The following MAST2 variants were observed in gnomAD, a reference collection of about 807,000 sequenced individuals.
MAST2 encodes microtubule-associated serine/threonine-protein kinase 2.
A neutral mutation model predicts 147.4 loss-of-function variants in MAST2; 70 were observed. That is an observed-to-expected ratio of 0.47 (90% confidence interval 0.39 to 0.58). MAST2 has a LOEUF of 0.58. Ranked by LOEUF, MAST2 falls within the 20% of genes least tolerant of loss-of-function variation. The pLI is 0.00. For missense variants in MAST2, 2,080 were observed against 2,302.3 expected (o/e 0.90, Z 1.98); for synonymous variants, 869 against 896.8 (o/e 0.97, Z 0.55).
At chr1:46,028,697 C>A in intron 17 of MAST2, 71 bp from the exon 18 acceptor site, 1 of 1,524,542 alleles carries the variant, frequency 6.6e-7, no homozygotes, top group Non-Finnish European at 9.0e-7. Context: ...ATGGGAGCAT[C>A]CCCCATCTCC....
chr1:45,933,905 GTT>G (rs11423169), intron 4 of MAST2, among the ~76,000 whole-genome samples: 2 of 147,384 alleles, frequency 1.4e-5, no homozygotes, highest in African/African-American at 5.0e-5. Context: ...AAAATTTTAA[GTT>G]TTTTTTTTTT....
At chr1:45,963,307 C>A (rs1167663972) in intron 5 of MAST2, among the ~76,000 whole-genome samples, 1 of 151,974 alleles carries the variant, frequency 6.6e-6, no homozygotes, top group Non-Finnish European at 1.5e-5. Flanking sequence ...GAAGAAAGTC[C>A]CTGGTAGCTT....
chr1:45,814,603 A>C (rs1029621041), intron 1 of MAST2, among the ~76,000 whole-genome samples: 8 of 152,224 alleles, frequency 5.3e-5, no homozygotes, highest in African/African-American at 1.9e-4. Context: ...CCTGGCAAAC[A>C]TGGCAAAACC....
intron 1 of MAST2, among the ~76,000 whole-genome samples, chr1:45,806,812 G>A (rs1166120759): frequency 1.3e-5 from 2 of 152,116 alleles, no homozygotes; most frequent in African/African-American, 4.8e-5. Context: ...CCTAACCTCA[G>A]ATGATCTGCC....
intron 6 of MAST2, among the ~76,000 whole-genome samples, chr1:45,998,637 C>A (rs1030572792): frequency 6.6e-6 from 1 of 151,984 alleles, no homozygotes; most frequent in Non-Finnish European, 1.5e-5. Context: ...TGGTATAAGA[C>A]CTCCAGGAAA....
intron 6 of MAST2, chr1:46,001,009 T>C (rs1253171696): frequency 1.3e-5 from 17 of 1,287,410 alleles, no homozygotes; most frequent in Non-Finnish European, 1.7e-5. Flanking sequence ...GGAGAGGGGC[T>C]GGGAAACTGC....
At chr1:45,810,264 C>T (rs1644251638) in intron 1 of MAST2, among the ~76,000 whole-genome samples, 2 of 152,128 alleles carry the variant, frequency 1.3e-5, no homozygotes, top group African/African-American at 4.8e-5. Flanking sequence ...ACTTTAGTTC[C>T]TAAAATACCC....
At chr1:46,006,444 G>C in intron 8 of MAST2, 49 bp downstream of exon 8, 1 of 1,579,700 alleles carries the variant, frequency 6.3e-7, no homozygotes, top group Non-Finnish European at 8.6e-7. Context: ...ATTTCAGCTT[G>C]TTTGCATAAC....
At chr1:45,951,643 A>G (rs1430806246) in intron 4 of MAST2, among the ~76,000 whole-genome samples, 2 of 152,220 alleles carry the variant, frequency 1.3e-5, no homozygotes, top group African/African-American at 4.8e-5. Context: ...AAGACCAAAT[A>G]TATTTGGACA....
At chr1:45,885,450 AG>A (rs1389268923) in intron 4 of MAST2, among the ~76,000 whole-genome samples, 1 of 152,248 alleles carries the variant, frequency 6.6e-6, no homozygotes, top group East Asian at 1.9e-4. Flanking sequence ...TAAAATGGAC[AG>A]GAACTCAAAT....
At position 45,975,540 on chromosome 1, in the gene MAST2, C is replaced by G. The variant is rs117040559; in HGVS notation, c.592+16063C>G. ...AAAAAAAGCCAGGTGTGGTAATACA[C>G]ACTTGTAGTCCCAGCTGCTCAGTAG... On this transcript the variant is annotated intron_variant, in intron 5 of 28. Coordinates refer to ENST00000361297, the MANE Select transcript of MAST2 (RefSeq NM_015112.3). Among the ~76,000 whole-genome samples the G allele has an allele frequency of 2.7e-3, 367 of 135,934 alleles. 2 individuals carry two copies. Among genetic ancestry groups the G allele is most frequent in the East Asian group, 0.019 (84 of 4,366 alleles). 89.2% of individuals were successfully genotyped at this position (135,934 alleles called of 152,430 possible).
At chr1:45,957,394 A>C (rs1458455393) in intron 4 of MAST2, among the ~76,000 whole-genome samples, 1 of 152,240 alleles carries the variant, frequency 6.6e-6, no homozygotes, top group East Asian at 1.9e-4. Context: ...ATCCAGTCTG[A>C]CAATCTCTGC....
At chr1:46,006,423 A>G in intron 8 of MAST2, 28 bp downstream of exon 8, 1 of 1,599,124 alleles carries the variant, frequency 6.3e-7, no homozygotes, top group Non-Finnish European at 8.5e-7. Flanking sequence ...CCACTGTTCC[A>G]GTGCATGTGG....
At chr1:45,972,619 ATTT>A (rs1468257053) in intron 5 of MAST2, among the ~76,000 whole-genome samples, 1 of 152,054 alleles carries the variant, frequency 6.6e-6, no homozygotes, top group Non-Finnish European at 1.5e-5. Flanking sequence ...ATTTGGGCTA[ATTT>A]CATTATCCCT....
intron 4 of MAST2, among the ~76,000 whole-genome samples, chr1:45,946,358 G>A (rs143653959): frequency 3.3e-5 from 5 of 152,282 alleles, no homozygotes; most frequent in African/African-American, 9.6e-5. Flanking sequence ...CAAGTTGCCT[G>A]TCATGAAGGG....
rs777818551 is a variant in MAST2 at position 46,034,630 on chromosome 1, G to A, written c.3961G>A (p.Gly1321Ser). The change falls in exon 29 of 29, where the codon GGT (glycine) becomes AGT (serine). Residue 1321 changes from glycine (G) to serine (S), a missense_variant. By Grantham distance (56) the Gly-to-Ser change is moderately conservative (BLOSUM62 0). Coordinates refer to ENST00000361297, the MANE Select transcript of MAST2 (RefSeq NM_015112.3). ...GCACACACGGCCCAGCTCCCTCCACGGTCTGGCACCCAAGCTCCAACGCCA... is the reference window on the plus strand; with the variant it reads ...GCACACACGGCCCAGCTCCCTCCACAGTCTGGCACCCAAGCTCCAACGCCA... Reference protein sequence around the residue: ...SGHTRPSSLHGLAPKLQRQYR... With the variant: ...SGHTRPSSLHSLAPKLQRQYR... 5 of 1,613,938 alleles carry A rather than the reference G, an allele frequency of 3.1e-6. No homozygotes were observed. The highest frequency in any genetic ancestry group is 1.7e-5 in the Admixed American group (1 of 59,992).
chr1:45,909,361 C>T (rs765962136), intron 4 of MAST2, among the ~76,000 whole-genome samples: 20 of 152,030 alleles, frequency 1.3e-4, no homozygotes, highest in Non-Finnish European at 2.2e-4. Context: ...GCCATTTTAA[C>T]GTTACTTTTC....
Position 46,031,835 on chromosome 1 carries a change from C to T in MAST2, c.3187+250C>T, listed in dbSNP as rs988154198. 6.6e-6 allele frequency among the ~76,000 whole-genome samples: 1 copy of T among 152,190 alleles called. No individual in the cohort carries two copies. Among genetic ancestry groups the T allele is most frequent in the Non-Finnish European group, 1.5e-5 (1 of 68,020 alleles). ...AAATCCTGGCTCCATCACTAACAGG[C>T]TCTTGACCTTGAGCAAGTTGCTTAA... On this transcript the variant is annotated intron_variant, in intron 24 of 28. Coordinates refer to ENST00000361297, the MANE Select transcript of MAST2 (RefSeq NM_015112.3). The surrounding 1 kb of genome is among the most constrained non-coding windows in gnomAD (Gnocchi z 4.1).
rs888834848 is a variant in MAST2 at position 45,916,886 on chromosome 1, C to A, written c.500+34491C>A. On this transcript the variant is annotated intron_variant, in intron 4 of 28. Coordinates refer to ENST00000361297, the MANE Select transcript of MAST2 (RefSeq NM_015112.3). ...TCGAGGTCAGGAGTTCGAGACCAGA[C>A]TGACCAACATGATGAAACCCTGTTT... Among the ~76,000 whole-genome samples, 14 of 152,142 alleles carry A rather than the reference C, an allele frequency of 9.2e-5. 1 individual carries two copies. Among genetic ancestry groups the A allele is most frequent in the African/African-American group, 3.4e-4 (14 of 41,426 alleles).
Sources: gnomAD v4.1 joint callset for allele counts (sites outside exome capture counted in the v4.1 genomes callset) on GRCh38, gnomAD v4.1.1 for gene constraint, Gnocchi (gnomAD v3.1) non-coding constraint, MANE v1.5 for transcripts, NCBI Gene and HGNC (gene_info 2026-07-23, HGNC 2026-07-21) for gene names.